AQR: variants seen among roughly 807,000 people sequenced by gnomAD.
AQR encodes the protein aquarius intron-binding spliceosomal factor, also known as RNA helicase aquarius.
A neutral mutation model predicts 180.5 loss-of-function variants in AQR; 61 were observed. The ratio of observed to expected loss-of-function variants is 0.34; its 90% confidence interval spans 0.28 to 0.42. AQR has a LOEUF of 0.42. Ranked by LOEUF, AQR falls within the 10% of genes least tolerant of loss-of-function variation. AQR has a pLI of 1.00. For synonymous variants in AQR, 551 were observed against 588.8 expected, an observed-to-expected ratio of 0.94 and a Z score of 0.93; for missense variants, 1,281 against 1,798.3, an observed-to-expected ratio of 0.71 and a Z score of 5.20.
At chr15:34,880,778 A>G (rs1398715874) in intron 27 of AQR, among the ~76,000 whole-genome samples, 1 of 152,212 alleles carries the variant, frequency 6.6e-6, no homozygotes. Flanking sequence ...CACAGAATCA[A>G]AAGACAATGC....
intron 17 of AQR, among the ~76,000 whole-genome samples, chr15:34,907,506 T>C (rs1269486674): frequency 6.6e-6 from 1 of 152,242 alleles, no homozygotes; most frequent in Non-Finnish European, 1.5e-5. Flanking sequence ...GTAAACAGTC[T>C]GCTTGCTCAC....
intron 31 of AQR, 83 bp downstream of exon 31, chr15:34,870,669 C>G: frequency 1.7e-6 from 2 of 1,173,418 alleles, no homozygotes; most frequent in Non-Finnish European, 2.3e-6. Context: ...AAAGAGATAG[C>G]AAAGAGGCAA....
chr15:34,929,316 G>C (rs1893813629), intron 12 of AQR, among the ~76,000 whole-genome samples: 1 of 152,052 alleles, frequency 6.6e-6, no homozygotes, highest in South Asian at 2.1e-4. Context: ...GGGTTTTTAT[G>C]TTTTGGGTTT....
chr15:34,938,094 T>C (rs1444319990), intron 9 of AQR, among the ~76,000 whole-genome samples: 1 of 152,134 alleles, frequency 6.6e-6, no homozygotes, highest in Non-Finnish European at 1.5e-5. Flanking sequence ...TTCAGCACCA[T>C]ATTATAAATA....
At chr15:34,928,248 A>T (rs79169266) in intron 12 of AQR, among the ~76,000 whole-genome samples, 1 of 152,078 alleles carries the variant, frequency 6.6e-6, no homozygotes, top group Non-Finnish European at 1.5e-5. Flanking sequence ...TCTAAAAAAA[A>T]TGGGATACAT....
intron 7 of AQR, among the ~76,000 whole-genome samples, chr15:34,941,525 G>T (rs1566993958): frequency 6.6e-6 from 1 of 152,128 alleles, no homozygotes; most frequent in Non-Finnish European, 1.5e-5. Flanking sequence ...CCATGTGCAG[G>T]AAGGGAAATT....
At chr15:34,870,633 T>G in intron 31 of AQR, 119 bp downstream of exon 31, 1 of 819,706 alleles carries the variant, frequency 1.2e-6, no homozygotes, top group Non-Finnish European at 1.8e-6. Context: ...ATAGTTCCCA[T>G]TATTTCATTT....
At chr15:34,959,287 T>G (rs1330549605) in intron 3 of AQR, among the ~76,000 whole-genome samples, 2 of 152,138 alleles carry the variant, frequency 1.3e-5, no homozygotes, top group Non-Finnish European at 2.9e-5. Context: ...TTCATCCTCT[T>G]GAGTAACTGG....
intron 3 of AQR, among the ~76,000 whole-genome samples, chr15:34,955,750 A>G (rs1313426674): frequency 1.3e-5 from 2 of 152,096 alleles, no homozygotes; most frequent in African/African-American, 4.8e-5. Context: ...TCTACTAAAA[A>G]TACAAAAAAT....
intron 18 of AQR, 139 bp from the exon 19 acceptor site, chr15:34,904,644 C>T (rs1893384148): frequency 2.9e-6 from 2 of 698,336 alleles, no homozygotes; most frequent in African/African-American, 3.9e-5. Flanking sequence ...GTAGAATGCC[C>T]TCCACTCACC....
chr15:34,900,044 C>T (rs1301682237), intron 20 of AQR, among the ~76,000 whole-genome samples: 1 of 152,050 alleles, frequency 6.6e-6, no homozygotes, highest in Non-Finnish European at 1.5e-5. Flanking sequence ...AGGTGTGCGC[C>T]ACCATGCCCA....
intron 3 of AQR, among the ~76,000 whole-genome samples, chr15:34,957,981 G>A (rs1184462258): frequency 9.2e-5 from 14 of 151,586 alleles, no homozygotes; most frequent in African/African-American, 2.4e-4. Context: ...AGGCTGAGGC[G>A]GGCGATCACA....
At chr15:34,946,789 C>T (rs1471217102) in intron 5 of AQR, among the ~76,000 whole-genome samples, 1 of 148,160 alleles carries the variant, frequency 6.7e-6, no homozygotes, top group Non-Finnish European at 1.5e-5. Flanking sequence ...CGGCCAGCTG[C>T]CCCGTCCGGG....
chr15:34,946,490 AGCCCCCCGCCCG>A (rs2140499985), intron 5 of AQR, among the ~76,000 whole-genome samples: 1 of 125,630 alleles, frequency 8.0e-6, no homozygotes, highest in Non-Finnish European at 1.6e-5. Context: ...TGGGGGGGTC[AGCCCCCCGCCCG>A]GCCAGCCGCC....
chr15:34,895,159 CAAAAAAAAAAAAAAAAA>C (rs397853998), intron 22 of AQR, among the ~76,000 whole-genome samples: 4 of 2,456 alleles, frequency 1.6e-3, no homozygotes, highest in African/African-American at 2.7e-3. Context: ...AAGACTGTCT[CAAAAAAAAAAAAAAAAA>C]AAAAAAAAAA....
intron 19 of AQR, among the ~76,000 whole-genome samples, chr15:34,902,472 T>A (rs1893346188): frequency 6.6e-6 from 1 of 152,142 alleles, no homozygotes; most frequent in Admixed American, 6.5e-5. Context: ...CTTTCTTGGA[T>A]CAGAAACTAA....
chr15:34,901,346 C>T (rs976199013), intron 19 of AQR, among the ~76,000 whole-genome samples: 2 of 151,854 alleles, frequency 1.3e-5, no homozygotes, highest in Non-Finnish European at 2.9e-5. Context: ...AACGTCACAA[C>T]TTAGAAATAT....
intron 19 of AQR, 46 bp downstream of exon 19, chr15:34,904,290 A>C: frequency 7.3e-7 from 1 of 1,368,396 alleles, no homozygotes; most frequent in Non-Finnish European, 9.8e-7. Flanking sequence ...CATAAAAGTT[A>C]CTTAAATTAT....
chr15:34,918,297 C>T lies in AQR; in HGVS notation c.1303G>A (p.Asp435Asn). The T allele has an allele frequency of 1.2e-6, 2 of 1,613,714 alleles. No homozygotes were observed. The highest frequency in any genetic ancestry group is 1.7e-6 in the Non-Finnish European group (2 of 1,179,822). ...PLYPTEKIIW[D>N]ENIVPTEYYS... Reference sequence around the variant, plus strand: ...TACTCAGTTGGGACAATATTTTCATCCCATATAATTTTCTCAGTTGGATAC... The same window carrying T: ...TACTCAGTTGGGACAATATTTTCATTCCATATAATTTTCTCAGTTGGATAC... Residue 435 changes from aspartate to asparagine, a missense_variant, in exon 15 of 35, where the codon GAT (aspartate) becomes AAT (asparagine). Physicochemically the swap from Asp to Asn is conservative, Grantham distance 23. This residue lies in a region of AQR where 200 missense variants were observed against 293.4 expected (regional missense o/e 0.68). Coordinates refer to ENST00000156471, the MANE Select transcript of AQR (RefSeq NM_014691.3).
Sources: allele counts gnomAD v4.1 joint callset (sites outside exome capture counted in the v4.1 genomes callset), GRCh38; gene constraint gnomAD v4.1.1; regional missense constraint gnomAD v4.1.1; transcripts MANE v1.5; gene names NCBI Gene and HGNC (gene_info 2026-07-23, HGNC 2026-07-21).